The following QTMAN variants were observed in gnomAD, a reference collection of about 807,000 sequenced individuals.
QTMAN encodes the protein queuosine-tRNA mannosyltransferase.
the QTMAN span, among the ~76,000 whole-genome samples, chr2:144,063,292 C>T: frequency 3.3e-5 from 5 of 152,218 alleles, no homozygotes; most frequent in South Asian, 6.2e-4. Flanking sequence ...CTTAAAAATT[C>T]GATTGATCTG....
the QTMAN span, among the ~76,000 whole-genome samples, chr2:144,327,273 C>G: frequency 1.3e-5 from 2 of 152,186 alleles, no homozygotes; most frequent in South Asian, 4.1e-4. Context: ...ATCTGTTTGC[C>G]TTTGCAATAT....
At chr2:144,158,396 T>C in the QTMAN span, among the ~76,000 whole-genome samples, 2 of 151,932 alleles carry the variant, frequency 1.3e-5, no homozygotes, top group Non-Finnish European at 2.9e-5. Flanking sequence ...TCGTCAACAC[T>C]TTCAACAGCA....
At chr2:143,995,848 G>A in the QTMAN span, among the ~76,000 whole-genome samples, 4,673 of 152,164 alleles carry the variant, frequency 0.031, 111 homozygotes, top group Admixed American at 0.045. Flanking sequence ...CTTCCAACTT[G>A]AAATCTCCAC....
At chr2:143,948,076 G>C in the QTMAN span, among the ~76,000 whole-genome samples, 1 of 152,168 alleles carries the variant, frequency 6.6e-6, no homozygotes, top group Admixed American at 6.6e-5. Flanking sequence ...ATTAAAACTA[G>C]TGAGCAACAC....
At chr2:143,956,741 C>G in the QTMAN span, among the ~76,000 whole-genome samples, 1 of 152,090 alleles carries the variant, frequency 6.6e-6, no homozygotes, top group African/African-American at 2.4e-5. Flanking sequence ...ATCGACTGTT[C>G]ATGTGCACAA....
the QTMAN span, among the ~76,000 whole-genome samples, chr2:143,973,905 A>C: frequency 6.6e-6 from 1 of 152,214 alleles, no homozygotes; most frequent in Admixed American, 6.5e-5. Context: ...GCAGAGCTCA[A>C]TATATTTTGT....
the QTMAN span, among the ~76,000 whole-genome samples, chr2:144,233,430 C>G: frequency 6.6e-6 from 1 of 152,104 alleles, no homozygotes; most frequent in Non-Finnish European, 1.5e-5. Flanking sequence ...CAATGGTGGT[C>G]TGTGTGAAGA....
the QTMAN span, among the ~76,000 whole-genome samples, chr2:144,245,217 T>C: frequency 6.6e-6 from 1 of 152,224 alleles, no homozygotes; most frequent in African/African-American, 2.4e-5. Flanking sequence ...AAGTAAAGAC[T>C]CATCAGTGGG....
At chr2:144,082,990 A>G in the QTMAN span, among the ~76,000 whole-genome samples, 1 of 152,198 alleles carries the variant, frequency 6.6e-6, no homozygotes, top group South Asian at 2.1e-4. Context: ...CTAAGTATGG[A>G]TTGGCAAAGA....
At chr2:144,066,270 T>C in the QTMAN span, among the ~76,000 whole-genome samples, 3 of 152,172 alleles carry the variant, frequency 2.0e-5, no homozygotes, top group Admixed American at 6.5e-5. Flanking sequence ...CTGGACTACA[T>C]ACTAGGATAT....
chr2:144,307,777 A>G, the QTMAN span, among the ~76,000 whole-genome samples: 1 of 152,212 alleles, frequency 6.6e-6, no homozygotes, highest in Non-Finnish European at 1.5e-5. Context: ...AAATTTAATA[A>G]AAGACACAAG....
the QTMAN span, among the ~76,000 whole-genome samples, chr2:144,058,405 C>T: frequency 0.012 from 1,822 of 152,172 alleles, 17 homozygotes; most frequent in Non-Finnish European, 0.017. Flanking sequence ...TTTAAGAGTG[C>T]CCAATCTATT....
At chr2:144,273,355 A>T in the QTMAN span, among the ~76,000 whole-genome samples, 114 of 152,210 alleles carry the variant, frequency 7.5e-4, no homozygotes, top group Non-Finnish European at 1.3e-4. Flanking sequence ...ATCCTCAGGG[A>T]ACAAGACTCC....
the QTMAN span, among the ~76,000 whole-genome samples, chr2:144,181,029 T>C: frequency 6.6e-6 from 1 of 152,200 alleles, no homozygotes; most frequent in African/African-American, 2.4e-5. Flanking sequence ...ACCACCTCTC[T>C]GACATGACAT....
At chr2:144,302,548 C>A in the QTMAN span, among the ~76,000 whole-genome samples, 8 of 152,086 alleles carry the variant, frequency 5.3e-5, no homozygotes, top group African/African-American at 1.4e-4. Flanking sequence ...AAAAGCCACA[C>A]GGAAGATCAG....
the QTMAN span, chr2:144,128,311 G>GCC: frequency 2.6e-5 from 4 of 151,954 alleles, no homozygotes; most frequent in South Asian, 4.1e-4. Context: ...TATATGAGTA[G>GCC]CCCAGTGTTT....
At chr2:144,236,108 G>A in the QTMAN span, among the ~76,000 whole-genome samples, 2 of 152,020 alleles carry the variant, frequency 1.3e-5, no homozygotes, top group Non-Finnish European at 2.9e-5. Context: ...ATCTCTGGGA[G>A]AAGGTCAATA....
the QTMAN span, among the ~76,000 whole-genome samples, chr2:144,042,274 C>A: frequency 6.6e-6 from 1 of 152,036 alleles, no homozygotes; most frequent in African/African-American, 2.4e-5. Context: ...TGAGAGAAAG[C>A]AAGAGATTAT....
the QTMAN span, among the ~76,000 whole-genome samples, chr2:144,021,231 C>A: frequency 6.6e-6 from 1 of 152,046 alleles, no homozygotes; most frequent in Admixed American, 6.6e-5. Flanking sequence ...GGTGAGAGAG[C>A]AAGGGAAGTC....
Sources: gnomAD v4.1 joint callset for allele counts (sites outside exome capture counted in the v4.1 genomes callset) on GRCh38, gnomAD v4.1.1 for gene constraint, MANE v1.5 for transcripts, NCBI Gene and HGNC (gene_info 2026-07-23, HGNC 2026-07-21) for gene names.